SPICE1: variants seen among roughly 807,000 people sequenced by gnomAD.
SPICE1 encodes spindle and centriole-associated protein 1.
Under a neutral mutation model 102.7 loss-of-function variants are expected in SPICE1, and 75 were observed. That is an observed-to-expected ratio of 0.73 (90% CI 0.61 to 0.88). SPICE1 has a LOEUF of 0.88. Ranked by LOEUF, SPICE1 falls within the 40% of genes least tolerant of loss-of-function variation. SPICE1 has a pLI of 0.00. For synonymous variants in SPICE1, 308 were observed against 350.3 expected (o/e 0.88, Z 1.35); for missense variants, 979 against 1,020.1 (o/e 0.96, Z 0.55).
chr3:113,514,881 G>A lies in SPICE1; in HGVS notation c.-1+16C>T. 1.7e-6 allele frequency: 2 copies of A among 1,205,466 alleles called. No homozygotes were observed. Among genetic ancestry groups the A allele is most frequent in the South Asian group, 1.5e-5 (1 of 67,696 alleles). 74.7% of individuals were successfully genotyped at this position (1,205,466 alleles called of 1,614,324 possible). A position where few individuals can be genotyped will look rare whatever the true frequency, so the allele number is the denominator to read the frequency against. On this transcript the variant is annotated intron_variant, in intron 1 of 17. Coordinates refer to ENST00000295872, the MANE Select transcript of SPICE1 (RefSeq NM_144718.4). The stretch of plus-strand genomic sequence containing the variant: ...GCCACGCACAAACATACCCAGACAC[G>A]CACCCTGACACGTACTTGCACTCTC...
chr3:113,463,437 A>T (rs1347379266), intron 11 of SPICE1, among the ~76,000 whole-genome samples: 1 of 152,226 alleles, frequency 6.6e-6, no homozygotes, highest in Non-Finnish European at 1.5e-5. Flanking sequence ...GGAGAATTAA[A>T]CATATGTTCT....
In SPICE1 at chr3:113,445,275, T is replaced by C; in HGVS notation, c.*32A>G. ...GCAGGGAAAGGGAAGTAATAAATTA[T>C]TAAGAACAAACTCAGTGAGACTTGA... On this transcript the variant is annotated 3_prime_UTR_variant, in exon 18 of 18. Coordinates refer to ENST00000295872, the MANE Select transcript of SPICE1 (RefSeq NM_144718.4). 1 of 1,583,326 alleles carries C rather than the reference T, an allele frequency of 6.3e-7. No homozygotes were observed.
chr3:113,460,848 C>T lies in SPICE1; in HGVS notation c.1288-84G>A, dbSNP rs898964643. ...TAGAAAGCAAACCACACAAAGGATA[C>T]GTGTGTTTAATATCATATCAATACA... On this transcript the variant is annotated intron_variant, in intron 11 of 17. Transcript: ENST00000295872. The T allele has an allele frequency of 5.6e-5, 70 of 1,258,706 alleles. 1 individual carries two copies. The highest frequency in any genetic ancestry group is 5.3e-4 in the South Asian group (34 of 64,106). 78.0% of individuals were successfully genotyped at this position (1,258,706 alleles called of 1,614,324 possible). A position where few individuals can be genotyped will look rare whatever the true frequency, so the allele number is the denominator to read the frequency against.
At chr3:113,449,356 A>G (rs889411549) in intron 15 of SPICE1, 1 of 152,206 alleles carries the variant, frequency 6.6e-6, no homozygotes, top group African/African-American at 2.4e-5. Flanking sequence ...CACATAGTAC[A>G]TGTTCATATA....
At chr3:113,504,112 C>G (rs905913171) in intron 2 of SPICE1, among the ~76,000 whole-genome samples, 4 of 152,056 alleles carry the variant, frequency 2.6e-5, no homozygotes, top group Admixed American at 2.6e-4. Context: ...CATGGCAGGG[C>G]TACCACCCTG....
At chr3:113,474,408 G>A (rs984759484) in intron 7 of SPICE1, among the ~76,000 whole-genome samples, 1 of 152,112 alleles carries the variant, frequency 6.6e-6, no homozygotes, top group Non-Finnish European at 1.5e-5. Flanking sequence ...GGATACCCAG[G>A]AATTGAACTC....
rs909093453 is a variant in SPICE1 at position 113,488,963 on chromosome 3, G to C, written c.593C>G (p.Ser198Cys). 6.2e-7 allele frequency: 1 copy of C among 1,609,572 alleles called. No individual in the cohort carries two copies. ...CACATACCTGTCTGTATTCGTGTTAGACTGAGAGTTTAGAGAGTTATCCAA... is the reference window on the plus strand; with the variant it reads ...CACATACCTGTCTGTATTCGTGTTACACTGAGAGTTTAGAGAGTTATCCAA... ...NELDNSLNSQ[S>C]NTNTDRFLQQ... The change falls in exon 7 of 18, where the codon TCT becomes TGT. Residue 198 changes from serine (S) to cysteine (C), a missense_variant. Ser to Cys is a moderately radical substitution (Grantham distance 112). Transcript: ENST00000295872.
rs1935622141 is a variant in SPICE1, at chr3:113,450,478, C to A, written c.2181G>T (p.Met727Ile). The change falls in exon 15 of 18, where the codon ATG becomes ATT. Residue 727 changes from methionine to isoleucine, a missense_variant. Met to Ile is a conservative substitution (Grantham distance 10). Transcript: ENST00000295872. ...PVAQSLTPGS[M>I]EERIAELNRQ... ...GATTCAATTCTGCAATCCGTTCCTC[C>A]ATACTACCTGGTGTTAGAGACTGTG... is the stretch of plus-strand genomic sequence containing the variant. 4 of 1,613,306 alleles carry A rather than the reference C, an allele frequency of 2.5e-6. No homozygotes were observed. The highest frequency in any genetic ancestry group is 2.2e-5 in the East Asian group (1 of 44,870).
chr3:113,463,145 A>G (rs1935972469), intron 11 of SPICE1, among the ~76,000 whole-genome samples: 1 of 152,178 alleles, frequency 6.6e-6, no homozygotes, highest in African/African-American at 2.4e-5. Context: ...TCAGACAGGC[A>G]TGGCCCATCT....
Position 113,471,824 on chromosome 3 carries a change from T to G in SPICE1, c.612-2586A>C, listed in dbSNP as rs150741951. On this transcript the variant is annotated intron_variant, in intron 7 of 17. Coordinates refer to ENST00000295872, the MANE Select transcript of SPICE1 (RefSeq NM_144718.4). ...GGGAAGGGCAGCCAAGGTGGCCGAA[T>G]AGGAACAGCTCCGGTCTACAGCTCC... 2.8e-3 allele frequency among the ~76,000 whole-genome samples: 430 copies of G among 152,164 alleles called. 1 individual carries two copies. Among genetic ancestry groups the G allele is most frequent in the Admixed American group, 4.8e-3 (74 of 15,286 alleles).
In SPICE1 at chr3:113,477,859, C is replaced by T. The variant is rs940470748; in HGVS notation, c.612-8621G>A. Among the ~76,000 whole-genome samples, 42 of 151,362 alleles carry T rather than the reference C, an allele frequency of 2.8e-4. No homozygotes were observed. In the South Asian group the frequency reaches 4.8e-3, roughly 17 times the overall value. ...CTAAATGACAAGTTAATGGGTGCAG[C>T]ACACCAGCATGGCACATGTATACAT... On this transcript the variant is annotated intron_variant, in intron 7 of 17. Coordinates refer to ENST00000295872, the MANE Select transcript of SPICE1 (RefSeq NM_144718.4).
intron 7 of SPICE1, among the ~76,000 whole-genome samples, chr3:113,481,783 A>AT (rs1462383253): frequency 2.0e-5 from 3 of 152,118 alleles, no homozygotes; most frequent in Non-Finnish European, 4.4e-5. Context: ...TCCATGCTAT[A>AT]TATGTGCCAC....
chr3:113,464,074 A>G (rs1935995126), intron 11 of SPICE1, among the ~76,000 whole-genome samples: 2 of 152,136 alleles, frequency 1.3e-5, no homozygotes, highest in South Asian at 4.2e-4. Context: ...TCTCAAAAAA[A>G]AAAAGAAAAA....
chr3:113,504,423 A>T (rs1482445678), intron 2 of SPICE1, among the ~76,000 whole-genome samples: 1 of 152,046 alleles, frequency 6.6e-6, no homozygotes, highest in East Asian at 1.9e-4. Context: ...TTACTTTTAC[A>T]ATGATTTAGA....
intron 12 of SPICE1, among the ~76,000 whole-genome samples, chr3:113,459,168 G>A (rs575790186): frequency 2.2e-4 from 33 of 152,066 alleles, no homozygotes; most frequent in African/African-American, 7.2e-4. Flanking sequence ...AGGGTTAAAC[G>A]GATTAAGGGC....
chr3:113,453,846 T>C lies in SPICE1; in HGVS notation c.1762A>G (p.Thr588Ala). The C allele has an allele frequency of 6.2e-7, 1 of 1,614,224 alleles. No homozygotes were observed. Among genetic ancestry groups the C allele is most frequent in the Middle Eastern group, 1.6e-4 (1 of 6,062 alleles). Residue 588 changes from threonine to alanine, a missense_variant, in exon 14 of 18, where the codon ACA becomes GCA. Thr to Ala is a moderately conservative substitution (Grantham distance 58, BLOSUM62 0). Transcript: ENST00000295872. The stretch of plus-strand genomic sequence containing the variant: ...TCTTCACTTGAATTCTGAATGTCTG[T>C]ATCAATAGGTAAGGTCTTCTCTTCC... ...NWEEKTLPID[T>A]DIQNSSEENR... is the part of the protein sequence containing the mutation.
At chr3:113,471,346 G>A (rs1936193621) in intron 7 of SPICE1, among the ~76,000 whole-genome samples, 2 of 152,148 alleles carry the variant, frequency 1.3e-5, no homozygotes, top group Non-Finnish European at 1.5e-5. Flanking sequence ...ATAAGAAACA[G>A]ACAGAGGAAG....
rs1936709125 is a variant in SPICE1, at chr3:113,489,056, T to C, written c.500A>G (p.Asn167Ser). ...NESVIEPQAL[N>S]DVDGEEEGTV... ...TCCTTCTTCTTCACCATCTACATCA[T>C]TAAGAGCCTGTCTCAACACAACAAT... Residue 167 changes from asparagine (N) to serine (S), a missense_variant, in exon 7 of 18, where the codon AAT becomes AGT. Asn to Ser is a conservative substitution (Grantham distance 46). Transcript: ENST00000295872. The C allele has an allele frequency of 6.3e-7, 1 of 1,595,052 alleles. No individual in the cohort carries two copies. Among genetic ancestry groups the C allele is most frequent in the Non-Finnish European group, 8.6e-7 (1 of 1,162,986 alleles).
At chr3:113,489,169 C>T (rs916202946) in intron 6 of SPICE1, 106 bp from the exon 7 acceptor site, 1 of 652,136 alleles carries the variant, frequency 1.5e-6, no homozygotes, top group African/African-American at 1.8e-5. Flanking sequence ...CTCCTAAGCC[C>T]TCCACATGTT....
Sources: allele counts gnomAD v4.1 joint callset (sites outside exome capture counted in the v4.1 genomes callset), GRCh38; gene constraint gnomAD v4.1.1; transcripts MANE v1.5; gene names NCBI Gene and HGNC (gene_info 2026-07-23, HGNC 2026-07-21).